The following MED12L variants were observed in gnomAD, a reference collection of about 807,000 sequenced individuals.
MED12L encodes mediator complex subunit 12L, also known as mediator of RNA polymerase II transcription subunit 12-like protein.
A neutral mutation model predicts 281.3 loss-of-function variants in MED12L; 60 were observed. The ratio of observed to expected loss-of-function variants is 0.21; its 90% CI spans 0.17 to 0.26. The LOEUF is 0.26. MED12L is among the 10% of genes least tolerant of loss of function. The pLI, the probability that MED12L is intolerant of heterozygous loss-of-function variation, is 1.00. For missense variants in MED12L, 2,146 were observed against 2,680.9 expected (o/e 0.80, Z 4.41); for synonymous variants, 974 against 987.2 (o/e 0.99, Z 0.25).
chr3:151,170,527 G>C (rs1360701734), intron 11 of MED12L, among the ~76,000 whole-genome samples: 1 of 152,032 alleles, frequency 6.6e-6, no homozygotes. Context: ...ACCCACCTCA[G>C]CCTCCCAAAG....
At chr3:151,095,277 A>G (rs773126316) in intron 2 of MED12L, among the ~76,000 whole-genome samples, 2 of 152,210 alleles carry the variant, frequency 1.3e-5, no homozygotes, top group African/African-American at 2.4e-5. Context: ...ATACAATTCA[A>G]TAGTAGTAGT....
chr3:151,157,553 A>G (rs1719449751), intron 6 of MED12L, among the ~76,000 whole-genome samples: 1 of 152,118 alleles, frequency 6.6e-6, no homozygotes, highest in Non-Finnish European at 1.5e-5. Context: ...TTTTAAATTG[A>G]CAAATGAAAA....
intron 37 of MED12L, 25 bp downstream of exon 37, chr3:151,388,197 C>G (rs756106725): frequency 6.4e-7 from 1 of 1,567,466 alleles, no homozygotes; most frequent in Non-Finnish European, 8.6e-7. Context: ...GAAGGAGAAC[C>G]TTGGCTCATT....
At chr3:151,189,360 A>G (rs913227370) in intron 13 of MED12L, among the ~76,000 whole-genome samples, 3 of 152,110 alleles carry the variant, frequency 2.0e-5, no homozygotes, top group Non-Finnish European at 4.4e-5. Flanking sequence ...GAACATAGGG[A>G]GGAGTAATTC....
At chr3:151,398,460 C>G (rs1715259761) in intron 39 of MED12L, among the ~76,000 whole-genome samples, 1 of 152,154 alleles carries the variant, frequency 6.6e-6, no homozygotes, top group Non-Finnish European at 1.5e-5. Context: ...GAGCTTCAGT[C>G]AGTCATGGAA....
intron 43 of MED12L, among the ~76,000 whole-genome samples, chr3:151,424,574 T>C (rs1718642422): frequency 6.6e-6 from 1 of 152,102 alleles, no homozygotes; most frequent in Admixed American, 6.5e-5. Context: ...TGAGCCGAGA[T>C]TGCGCCACTG....
chr3:151,332,952 T>G (rs959976005), intron 16 of MED12L, among the ~76,000 whole-genome samples: 4 of 152,138 alleles, frequency 2.6e-5, no homozygotes, highest in East Asian at 3.9e-4. Flanking sequence ...TGTGTCCATA[T>G]GAATTCAATG....
At chr3:151,204,308 CA>C (rs1486566550) in intron 16 of MED12L, among the ~76,000 whole-genome samples, 2 of 152,020 alleles carry the variant, frequency 1.3e-5, no homozygotes, top group East Asian at 3.9e-4. Context: ...AAAAATGTCT[CA>C]AAAGATGAAA....
At chr3:151,179,711 T>C (rs989643559) in intron 11 of MED12L, among the ~76,000 whole-genome samples, 2 of 152,218 alleles carry the variant, frequency 1.3e-5, no homozygotes, top group African/African-American at 4.8e-5. Flanking sequence ...ACCTTCCTTT[T>C]CCTGTGTTCC....
intron 16 of MED12L, among the ~76,000 whole-genome samples, chr3:151,278,096 A>G (rs1402641259): frequency 6.6e-6 from 1 of 152,236 alleles, no homozygotes; most frequent in Non-Finnish European, 1.5e-5. Flanking sequence ...TTGGATCCCC[A>G]TATTAGCATG....
intron 16 of MED12L, among the ~76,000 whole-genome samples, chr3:151,271,179 A>G (rs898384097): frequency 6.6e-6 from 1 of 152,218 alleles, no homozygotes; most frequent in African/African-American, 2.4e-5. Flanking sequence ...ATAAAAAGAC[A>G]AACTCAGTTT....
intron 2 of MED12L, among the ~76,000 whole-genome samples, chr3:151,088,945 A>C (rs1446991239): frequency 4.6e-5 from 7 of 152,128 alleles, no homozygotes; most frequent in Non-Finnish European, 1.0e-4. Context: ...AGACAGAGTT[A>C]TGTGTGGCTG....
intron 31 of MED12L, 135 bp downstream of exon 31, chr3:151,378,308 A>G (rs1711585274): frequency 3.3e-6 from 3 of 902,980 alleles, no homozygotes; most frequent in East Asian, 3.0e-5. Context: ...GGAATATTCT[A>G]TTAGGCAAGG....
chr3:151,191,003 A>G, intron 14 of MED12L, 72 bp downstream of exon 14: 1 of 1,334,130 alleles, frequency 7.5e-7, no homozygotes, highest in Non-Finnish European at 1.1e-6. Flanking sequence ...CAAATGGGTC[A>G]TGTAGTGGTA....
chr3:151,411,212 T>A, intron 40 of MED12L, 66 bp from the exon 41 acceptor site: 3 of 1,400,404 alleles, frequency 2.1e-6, no homozygotes, highest in Non-Finnish European at 3.0e-6. Context: ...GCCCCATATA[T>A]CGTAGTGATG....
At chr3:151,110,815 G>T (rs1175052641) in intron 2 of MED12L, among the ~76,000 whole-genome samples, 2 of 152,134 alleles carry the variant, frequency 1.3e-5, no homozygotes, top group Non-Finnish European at 2.9e-5. Flanking sequence ...GAGAAGGAAG[G>T]GGGTATGGTA....
chr3:151,141,201 G>GTTTTTTTTTTTTTTTTTTTTTTTTTTTT (rs1716973453), intron 5 of MED12L, among the ~76,000 whole-genome samples: 3 of 58,320 alleles, frequency 5.1e-5, no homozygotes, highest in South Asian at 5.4e-4. Flanking sequence ...TTTTTTTTTT[G>GTTTTTTTTTTTTTTTTTTTTTTTTTTTT]TTAGTAGAGA....
chr3:151,365,690 C>T (rs893820384), intron 22 of MED12L, among the ~76,000 whole-genome samples, 160 bp from the exon 23 acceptor site: 2 of 152,206 alleles, frequency 1.3e-5, no homozygotes, highest in African/African-American at 4.8e-5. Flanking sequence ...ATCTTCTTCT[C>T]AAGGTTCTAC....
intron 16 of MED12L, among the ~76,000 whole-genome samples, chr3:151,321,738 G>GA (rs1749022331): frequency 6.6e-6 from 1 of 152,094 alleles, no homozygotes; most frequent in South Asian, 2.1e-4. Context: ...AATTTTTAAA[G>GA]AACTAGTTTA....
Sources: gnomAD v4.1 joint callset for allele counts (sites outside exome capture counted in the v4.1 genomes callset) on GRCh38, gnomAD v4.1.1 for gene constraint, MANE v1.5 for transcripts, NCBI Gene and HGNC (gene_info 2026-07-23, HGNC 2026-07-21) for gene names.